The following MSI2 variants were observed in gnomAD, a reference collection of about 807,000 sequenced individuals.
The protein encoded by MSI2 is RNA-binding protein Musashi homolog 2.
A neutral mutation model predicts 45.6 loss-of-function variants in MSI2; 17 were observed. That is an observed-to-expected ratio of 0.37 (90% CI 0.26 to 0.56). The LOEUF (loss-of-function observed/expected upper bound fraction) is 0.56. Ranked by LOEUF, MSI2 falls within the 20% of genes least tolerant of loss-of-function variation. The probability of loss-of-function intolerance (pLI) is 0.77; values close to 1 mark genes in which losing one functional copy is unlikely to be tolerated. For synonymous variants in MSI2, 156 were observed against 158.2 expected, an observed-to-expected ratio of 0.99 and a Z score of 0.11; for missense variants, 293 against 444.2, an observed-to-expected ratio of 0.66 and a Z score of 3.06.
At chr17:57,257,766 CT>C (rs35477994) in intron 3 of MSI2, among the ~76,000 whole-genome samples, 70,104 of 151,554 alleles carry the variant, frequency 0.46, 18,844 homozygotes, top group African/African-American at 0.75. Flanking sequence ...CATCTCTCTG[CT>C]TTTAAGTCAT....
At chr17:57,286,461 C>G (rs1482305069) in intron 5 of MSI2, among the ~76,000 whole-genome samples, 1 of 152,074 alleles carries the variant, frequency 6.6e-6, no homozygotes, top group East Asian at 1.9e-4. Context: ...GTCCTGGCTT[C>G]CCCCTCCTGC....
chr17:57,585,277 G>A (rs1425690591), intron 7 of MSI2, among the ~76,000 whole-genome samples: 1 of 152,184 alleles, frequency 6.6e-6, no homozygotes, highest in East Asian at 1.9e-4. Context: ...AACAAGTGAG[G>A]CTATATACAG....
At chr17:57,438,284 C>A (rs188400506) in intron 6 of MSI2, among the ~76,000 whole-genome samples, 100 of 152,252 alleles carry the variant, frequency 6.6e-4, no homozygotes, top group Middle Eastern at 3.4e-3. Context: ...CAGTCAGGCC[C>A]CGAGGAATAG....
At chr17:57,374,924 A>G (rs1197536244) in intron 5 of MSI2, among the ~76,000 whole-genome samples, 2 of 152,196 alleles carry the variant, frequency 1.3e-5, no homozygotes, top group Non-Finnish European at 2.9e-5. Flanking sequence ...GGGAATGATC[A>G]TCTTGGTTTC....
rs368126118 is a variant in MSI2, at chr17:57,652,277, C to T, written c.790+116C>T. ...TGTCCAACACCACTCTCACCACAGC[C>T]CCGGGGAGGGGGTGGACGGGGAGGG... On this transcript the variant is annotated intron_variant, in intron 11 of 13. Transcript: ENST00000284073. The surrounding 1 kb of genome is among the most constrained non-coding windows in gnomAD (Gnocchi z 4.1). 3 of 1,094,750 alleles carry T rather than the reference C, an allele frequency of 2.7e-6. No homozygotes were observed. In the South Asian group the frequency reaches 4.2e-5, roughly 15 times the overall value. The allele number at this position is 1,094,750 out of a possible 1,614,324, so 67.8% of individuals were successfully genotyped here.
intron 6 of MSI2, among the ~76,000 whole-genome samples, chr17:57,413,175 T>C (rs2084228845): frequency 6.6e-6 from 1 of 152,290 alleles, no homozygotes; most frequent in South Asian, 2.1e-4. Flanking sequence ...ACACACACTC[T>C]CTCTCTCTCT....
At chr17:57,331,688 T>C in intron 5 of MSI2, among the ~76,000 whole-genome samples, 1 of 152,212 alleles carries the variant, frequency 6.6e-6, no homozygotes, top group Non-Finnish European at 1.5e-5. Context: ...GCATGTAACC[T>C]TCCTTTGTGT....
chr17:57,297,651 T>C (rs1010534656), intron 5 of MSI2, among the ~76,000 whole-genome samples: 7 of 152,224 alleles, frequency 4.6e-5, no homozygotes, highest in Admixed American at 6.5e-5. Flanking sequence ...TATTTCTCTG[T>C]AGCATGCAAT....
At chr17:57,578,308 T>A (rs1179479291) in intron 7 of MSI2, among the ~76,000 whole-genome samples, 1 of 152,218 alleles carries the variant, frequency 6.6e-6, no homozygotes, top group Non-Finnish European at 1.5e-5. Flanking sequence ...TTAGGGGACG[T>A]ATGAAATGGC....
rs116886880 is a variant in MSI2 at position 57,603,583 on chromosome 17, G to T, written c.537+6633G>T. Among the ~76,000 whole-genome samples the T allele has an allele frequency of 5.1e-3, 774 of 152,346 alleles. 2 individuals are homozygous for T. The highest frequency in any genetic ancestry group is 8.3e-3 in the Non-Finnish European group (563 of 68,036). On this transcript the variant is annotated intron_variant, in intron 8 of 13. Coordinates refer to ENST00000284073, the MANE Select transcript of MSI2 (RefSeq NM_138962.4). ...TAATTGGGTAGCCTTGAAGGAATCA[G>T]CCCTTGATAACTTCACGTTTCCCCC...
At chr17:57,382,732 T>A (rs1358571150) in intron 5 of MSI2, among the ~76,000 whole-genome samples, 4 of 152,238 alleles carry the variant, frequency 2.6e-5, no homozygotes, top group Non-Finnish European at 4.4e-5. Context: ...CTTCTGTTCT[T>A]CCCATAGGGA....
At chr17:57,512,505 G>A (rs1242652538) in intron 6 of MSI2, among the ~76,000 whole-genome samples, 1 of 152,186 alleles carries the variant, frequency 6.6e-6, no homozygotes, top group Non-Finnish European at 1.5e-5. Flanking sequence ...ATGACACAGG[G>A]GGTCCTCACT....
intron 8 of MSI2, among the ~76,000 whole-genome samples, chr17:57,602,625 G>T (rs1255667133): frequency 6.6e-6 from 1 of 151,928 alleles, no homozygotes; most frequent in Non-Finnish European, 1.5e-5. Flanking sequence ...AAAGTGCTGG[G>T]ATTACAGGCA....
At chr17:57,518,810 T>C (rs554250712) in intron 6 of MSI2, among the ~76,000 whole-genome samples, 1 of 152,262 alleles carries the variant, frequency 6.6e-6, no homozygotes, top group South Asian at 2.1e-4. Flanking sequence ...GGCCTGGATT[T>C]CCAGAGCACA....
At chr17:57,350,298 A>G (rs1179229661) in intron 5 of MSI2, among the ~76,000 whole-genome samples, 1 of 151,050 alleles carries the variant, frequency 6.6e-6, no homozygotes, top group Admixed American at 6.6e-5. Flanking sequence ...ATGGGCTGAT[A>G]GCTTTTATTT....
rs1598440326 is a variant in MSI2 at position 57,603,546 on chromosome 17, T to C, written c.537+6596T>C. On this transcript the variant is annotated intron_variant, in intron 8 of 13. Transcript: ENST00000284073. The stretch of plus-strand genomic sequence containing the variant: ...TACCTGGAGGTCTCGGCCTGTTCTG[T>C]TGTAGGGTATGTAATTGGGTAGCCT... Among the ~76,000 whole-genome samples, 3 of 152,296 alleles carry C rather than the reference T, an allele frequency of 2.0e-5. No individual in the cohort carries two copies. In the East Asian group the frequency reaches 5.8e-4, roughly 29 times the overall value.
chr17:57,511,350 G>A (rs1267870776), intron 6 of MSI2, among the ~76,000 whole-genome samples: 6 of 152,106 alleles, frequency 3.9e-5, no homozygotes, highest in Admixed American at 1.3e-4. Context: ...CGACCCACCC[G>A]CTCAAATATA....
rs62058129 is a variant in MSI2 at position 57,643,362 on chromosome 17, G to A, written c.728-8737G>A. 1.6e-3 allele frequency among the ~76,000 whole-genome samples: 251 copies of A among 152,356 alleles called. 1 individual carries two copies. Among genetic ancestry groups the A allele is most frequent in the Non-Finnish European group, 2.2e-3 (148 of 68,034 alleles). The stretch of plus-strand genomic sequence containing the variant: ...GGTTGAGACCAAAGCCTATTCTCAA[G>A]CCGCAGAATCTGTTTGCCAAAAACA... On this transcript the variant is annotated intron_variant, in intron 10 of 13. Coordinates refer to ENST00000284073, the MANE Select transcript of MSI2 (RefSeq NM_138962.4).
intron 8 of MSI2, 52 bp downstream of exon 8, chr17:57,597,002 A>G (rs767616150): frequency 2.2e-6 from 3 of 1,338,368 alleles, no homozygotes; most frequent in Admixed American, 1.7e-5. Context: ...CTCTACGTAC[A>G]CACCCAGTCT....
Sources: allele counts gnomAD v4.1 joint callset (sites outside exome capture counted in the v4.1 genomes callset), GRCh38; gene constraint gnomAD v4.1.1; non-coding constraint Gnocchi (gnomAD v3.1); transcripts MANE v1.5; gene names NCBI Gene and HGNC (gene_info 2026-07-23, HGNC 2026-07-21).